Variants in RBMS3 observed in about 807,000 individuals in gnomAD.
RBMS3 encodes RNA binding motif single stranded interacting protein 3.
A neutral mutation model predicts 66.8 loss-of-function variants in RBMS3; 27 were observed. The observed-to-expected ratio is 0.40, with a 90% CI of 0.30 to 0.56. The LOEUF is 0.56. Among genes scored for constraint, RBMS3 ranks in the 20% least tolerant of loss-of-function variants. The pLI, the probability that RBMS3 is intolerant of heterozygous loss-of-function variation, is 0.40. For synonymous variants in RBMS3, 188 were observed against 183.0 expected, an observed-to-expected ratio of 1.03 and a Z score of -0.22; for missense variants, 513 against 549.5, an observed-to-expected ratio of 0.93 and a Z score of 0.66.
chr3:29,855,987 G>C (rs1233414128), intron 6 of RBMS3, among the ~76,000 whole-genome samples: 4 of 152,158 alleles, frequency 2.6e-5, no homozygotes, highest in Admixed American at 2.0e-4. Flanking sequence ...ATAAATGAGT[G>C]AGCTGAGGTG....
At chr3:29,702,514 C>T (rs974457431) in intron 4 of RBMS3, among the ~76,000 whole-genome samples, 6 of 152,188 alleles carry the variant, frequency 3.9e-5, no homozygotes, top group South Asian at 2.1e-4. Context: ...AAGCTTTGTT[C>T]TTTTGCTCTT....
intron 2 of RBMS3, among the ~76,000 whole-genome samples, chr3:29,481,683 G>C (rs2043134439): frequency 6.6e-6 from 1 of 152,184 alleles, no homozygotes; most frequent in African/African-American, 2.4e-5. Context: ...GAGTGAAGAA[G>C]AAACTGTGAA....
intron 4 of RBMS3, among the ~76,000 whole-genome samples, chr3:29,623,415 AC>A (rs1162341677): frequency 6.6e-6 from 1 of 151,172 alleles, no homozygotes; most frequent in Non-Finnish European, 1.5e-5. Context: ...ACACGGTGAA[AC>A]CCCGTCTCTA....
intron 12 of RBMS3, among the ~76,000 whole-genome samples, chr3:29,973,171 C>T (rs1015315789): frequency 3.3e-5 from 5 of 152,078 alleles, no homozygotes; most frequent in African/African-American, 1.2e-4. Flanking sequence ...TTTACAGGCA[C>T]TTTTAAATTC....
chr3:29,845,044 C>T (rs1576977063), intron 6 of RBMS3, among the ~76,000 whole-genome samples: 1 of 152,192 alleles, frequency 6.6e-6, no homozygotes, highest in Non-Finnish European at 1.5e-5. Flanking sequence ...CACCAGCCTT[C>T]AAGGCTTAGC....
At chr3:29,304,422 C>T (rs141100906) in intron 1 of RBMS3, among the ~76,000 whole-genome samples, 105 of 152,004 alleles carry the variant, frequency 6.9e-4, no homozygotes, top group African/African-American at 1.5e-3. Flanking sequence ...TATCTGTACT[C>T]GCCACTTTTT....
intron 6 of RBMS3, among the ~76,000 whole-genome samples, chr3:29,865,078 AAGGAAGAAAGGAAGGGAGGGAGGGAGGG>A: frequency 8.8e-6 from 1 of 113,506 alleles, no homozygotes; most frequent in Non-Finnish European, 1.8e-5. Context: ...GAGACGAAGG[AAGGAAGAAAGGAAGGGAGGGAGGGAGGG>A]AGGAAGGAAG....
At chr3:29,939,460 T>C (rs1047467362) in intron 11 of RBMS3, among the ~76,000 whole-genome samples, 4 of 152,022 alleles carry the variant, frequency 2.6e-5, no homozygotes, top group East Asian at 3.9e-4. Flanking sequence ...CACTATTCCA[T>C]TGGTAGTACA....
chr3:29,457,464 G>A (rs1263524772), intron 2 of RBMS3, among the ~76,000 whole-genome samples: 2 of 152,164 alleles, frequency 1.3e-5, no homozygotes, highest in South Asian at 2.1e-4. Context: ...GCTCACACCT[G>A]TAATCCCAGC....
chr3:29,831,931 G>A (rs1467086909), intron 6 of RBMS3, among the ~76,000 whole-genome samples: 1 of 152,010 alleles, frequency 6.6e-6, no homozygotes, highest in African/African-American at 2.4e-5. Flanking sequence ...TAAGATAAAG[G>A]TTATCTCAAA....
chr3:29,960,350 G>A (rs893615513), intron 12 of RBMS3, among the ~76,000 whole-genome samples: 3 of 152,176 alleles, frequency 2.0e-5, no homozygotes, highest in African/African-American at 4.8e-5. Context: ...CCATGGCCTT[G>A]GGCAGCTTTG....
At chr3:29,954,850 CT>C (rs1695920953) in intron 12 of RBMS3, among the ~76,000 whole-genome samples, 1 of 151,944 alleles carries the variant, frequency 6.6e-6, no homozygotes, top group Non-Finnish European at 1.5e-5. Flanking sequence ...CACACACATT[CT>C]TGAATAAATT....
At chr3:29,527,380 A>G (rs1266116203) in intron 3 of RBMS3, among the ~76,000 whole-genome samples, 1 of 152,118 alleles carries the variant, frequency 6.6e-6, no homozygotes, top group Non-Finnish European at 1.5e-5. Flanking sequence ...GATCTAGTGC[A>G]TTGCACTAAG....
At chr3:29,646,211 A>G (rs2149204932) in intron 4 of RBMS3, among the ~76,000 whole-genome samples, 1 of 152,326 alleles carries the variant, frequency 6.6e-6, no homozygotes, top group African/African-American at 2.4e-5. Context: ...TGGCTTCCAG[A>G]CTGGACAGTA....
chr3:29,650,657 G>A (rs113567463), intron 4 of RBMS3, among the ~76,000 whole-genome samples: 1 of 152,090 alleles, frequency 6.6e-6, no homozygotes. Flanking sequence ...TCACTTATAT[G>A]TAGTGCCTGA....
intron 6 of RBMS3, among the ~76,000 whole-genome samples, chr3:29,807,183 A>AC (rs2057578394): frequency 6.6e-6 from 1 of 151,948 alleles, no homozygotes; most frequent in African/African-American, 2.4e-5. Context: ...TAGTAAGAAC[A>AC]TAAAACTGTC....
At chr3:29,792,092 G>A (rs1457686961) in intron 6 of RBMS3, among the ~76,000 whole-genome samples, 10 of 152,064 alleles carry the variant, frequency 6.6e-5, no homozygotes, top group Non-Finnish European at 2.9e-5. Context: ...ATAGGTGCCT[G>A]GGACCAGAAT....
At chr3:29,457,488 G>A (rs746496158) in intron 2 of RBMS3, among the ~76,000 whole-genome samples, 4 of 152,132 alleles carry the variant, frequency 2.6e-5, no homozygotes, top group East Asian at 1.9e-4. Flanking sequence ...TTGGGAGGCC[G>A]AGGCAGGTGG....
At chr3:29,691,205 T>A (rs76127545) in intron 4 of RBMS3, among the ~76,000 whole-genome samples, 4,090 of 152,326 alleles carry the variant, frequency 0.027, 81 homozygotes, top group Non-Finnish European at 0.041. Context: ...AACAGAGCAT[T>A]TCTTGAGGTA....
Sources: allele counts gnomAD v4.1 joint callset (sites outside exome capture counted in the v4.1 genomes callset), GRCh38; gene constraint gnomAD v4.1.1; transcripts MANE v1.5; gene names NCBI Gene and HGNC (gene_info 2026-07-23, HGNC 2026-07-21).